The following IRAK1BP1 variants were observed in gnomAD, a reference collection of about 807,000 sequenced individuals.
IRAK1BP1 encodes the protein interleukin-1 receptor-associated kinase 1-binding protein 1.
A neutral mutation model predicts 28.0 loss-of-function variants in IRAK1BP1; 24 were observed. The ratio of observed to expected loss-of-function variants is 0.86; its 90% CI spans 0.62 to 1.20. The LOEUF (loss-of-function observed/expected upper bound fraction) is 1.20, where lower values mean the gene tolerates loss of function less well. IRAK1BP1 is among the 50% of genes most tolerant of loss of function. The pLI is 0.00. For missense variants in IRAK1BP1, 336 were observed against 316.7 expected (o/e 1.06, Z -0.46); for synonymous variants, 131 against 116.3 (o/e 1.13, Z -0.81).
the IRAK1BP1 span, chr6:78,957,101 A>G: frequency 6.6e-6 from 1 of 152,104 alleles, no homozygotes; most frequent in Non-Finnish European, 1.5e-5. Context: ...GAAATATACA[A>G]TACAAATGCT....
chr6:78,918,541 G>T (rs1772625763), intron 4 of IRAK1BP1, among the ~76,000 whole-genome samples: 1 of 97,376 alleles, frequency 1.0e-5, no homozygotes. Context: ...GGTCATGGTT[G>T]TTATATCAGA....
chr6:78,901,337 A>C lies in IRAK1BP1; in HGVS notation c.*3003A>C, dbSNP rs892272619. 4 of 152,096 alleles carry C rather than the reference A, an allele frequency of 2.6e-5. No individual in the cohort carries two copies. Among genetic ancestry groups the C allele is most frequent in the African/African-American group, 9.7e-5 (4 of 41,432 alleles). The allele number at this position is 152,096 out of a possible 1,614,324, so 9.4% of individuals were successfully genotyped here. A position where few individuals can be genotyped will look rare whatever the true frequency, so the allele number is the denominator to read the frequency against. On this transcript the variant is annotated 3_prime_UTR_variant, in exon 4 of 4. Coordinates refer to ENST00000369940, the MANE Select transcript of IRAK1BP1 (RefSeq NM_001010844.4). The stretch of plus-strand genomic sequence containing the variant: ...AAGAAATCATTCAAAGATTGGAAAG[A>C]CTTATGTGTAGTATTCTGTATACTA...
At chr6:78,959,855 C>A in the IRAK1BP1 span, among the ~76,000 whole-genome samples, 1 of 152,068 alleles carries the variant, frequency 6.6e-6, no homozygotes, top group Admixed American at 6.6e-5. Flanking sequence ...ATTCAAAATA[C>A]CATTAAGTCA....
intron 1 of IRAK1BP1, among the ~76,000 whole-genome samples, chr6:78,877,670 C>T (rs771546716): frequency 2.6e-5 from 4 of 152,146 alleles, no homozygotes; most frequent in African/African-American, 4.8e-5. Flanking sequence ...GCCCATGGAG[C>T]GTGAGCCGAA....
intron 1 of IRAK1BP1, among the ~76,000 whole-genome samples, chr6:78,878,535 A>T (rs1014023574): frequency 1.3e-5 from 2 of 152,182 alleles, no homozygotes; most frequent in African/African-American, 4.8e-5. Flanking sequence ...AACCACAAAG[A>T]TGGGGAGAAA....
At chr6:78,961,664 T>C in the IRAK1BP1 span, 4 of 1,605,892 alleles carry the variant, frequency 2.5e-6, no homozygotes, top group East Asian at 2.2e-5. Flanking sequence ...TTTCCTTTGA[T>C]AGTAGCTACA....
In IRAK1BP1 at chr6:78,867,882, G is replaced by A. The variant is rs1438424289; in HGVS notation, c.306G>A (p.Gln102=). 6.3e-7 allele frequency: 1 copy of A among 1,592,276 alleles called. No homozygotes were observed. The highest frequency in any genetic ancestry group is 1.3e-5 in the African/African-American group (1 of 74,358). ...LDYITQSLQQ[Q]GVQAENITVT... is the part of the protein sequence containing the mutation. ...ACATCACGCAGAGCCTCCAGCAGCAGGGCGTGCAGGTGAGATCTCCGCGGG... is the reference window on the plus strand; with the variant it reads ...ACATCACGCAGAGCCTCCAGCAGCAAGGCGTGCAGGTGAGATCTCCGCGGG... Residue 102 remains glutamine, a synonymous_variant, in exon 1 of 4, where the codon CAG becomes CAA. Transcript: ENST00000369940.
the IRAK1BP1 span, chr6:78,969,851 G>A: frequency 6.4e-7 from 1 of 1,567,478 alleles, no homozygotes; most frequent in Non-Finnish European, 8.8e-7. Context: ...TCCATCGCCT[G>A]TATTTTGCAT....
At chr6:78,905,429 T>C (rs1294010412), downstream of IRAK1BP1, among the ~76,000 whole-genome samples, 1 of 152,190 alleles carries the variant, frequency 6.6e-6, no homozygotes, top group Non-Finnish European at 1.5e-5. Context: ...CAAAGAGCCA[T>C]GCAATTACTG....
At chr6:78,961,770 G>C in the IRAK1BP1 span, 1 of 1,611,202 alleles carries the variant, frequency 6.2e-7, no homozygotes, top group Non-Finnish European at 8.5e-7. Context: ...ACATGGGATA[G>C]GCTTGCAGAT....
Position 78,898,411 on chromosome 6 carries a change from AATATATATATATATAT to A in IRAK1BP1, c.*96_*111del, listed in dbSNP as rs58937738. On this transcript the variant is annotated 3_prime_UTR_variant, in exon 4 of 4. Transcript: ENST00000369940. ...TTTTATAATGTTTACGTTTGTCCTGAATATATATATATATATATATATATATATATATATGGTATAG... is the reference window on the plus strand; with the variant it reads ...TTTTATAATGTTTACGTTTGTCCTGAATATATATATATATATATGGTATAG... The A allele has an allele frequency of 6.1e-4, 53 of 86,522 alleles. 3 individuals carry two copies. The highest frequency in any genetic ancestry group is 2.6e-3 in the East Asian group (7 of 2,690). 5.4% of individuals were successfully genotyped at this position (86,522 alleles called of 1,614,324 possible). A position where few individuals can be genotyped will look rare whatever the true frequency, so the allele number is the denominator to read the frequency against.
intron 4 of IRAK1BP1, among the ~76,000 whole-genome samples, chr6:78,934,829 C>T (rs1359233353): frequency 1.3e-5 from 2 of 152,178 alleles, no homozygotes; most frequent in East Asian, 1.9e-4. Context: ...GTCAAATTCC[C>T]ATTTCCCAAC....
chr6:78,942,484 A>AAAAAC (rs1012976452), intron 4 of IRAK1BP1, among the ~76,000 whole-genome samples: 30 of 152,300 alleles, frequency 2.0e-4, no homozygotes, highest in African/African-American at 3.1e-4. Flanking sequence ...ACTCCATCTC[A>AAAAAC]AAAACAAAAC....
intron 1 of IRAK1BP1, among the ~76,000 whole-genome samples, chr6:78,878,336 T>G (rs1459917789): frequency 7.2e-5 from 11 of 152,200 alleles, no homozygotes; most frequent in Non-Finnish European, 1.3e-4. Context: ...TTTGCTGTTC[T>G]GCAGTATTTG....
chr6:78,904,488 TA>T (rs1772209975), downstream of IRAK1BP1, among the ~76,000 whole-genome samples: 1 of 152,206 alleles, frequency 6.6e-6, no homozygotes, highest in South Asian at 2.1e-4. Flanking sequence ...TTACAATTTT[TA>T]GTAAACAGAT....
intron 1 of IRAK1BP1, chr6:78,871,506 C>G: frequency 8.1e-6 from 8 of 985,422 alleles, no homozygotes; most frequent in Non-Finnish European, 9.6e-6. Context: ...GAACAGCAGA[C>G]GAGAACTTAC....
At chr6:78,914,163 T>C (rs1772498081) in intron 4 of IRAK1BP1, among the ~76,000 whole-genome samples, 1 of 152,154 alleles carries the variant, frequency 6.6e-6, no homozygotes, top group Non-Finnish European at 1.5e-5. Flanking sequence ...TAGGTAATCT[T>C]AATAACTTGC....
At chr6:78,887,998 A>C (rs1347302498) in intron 2 of IRAK1BP1, among the ~76,000 whole-genome samples, 2 of 146,060 alleles carry the variant, frequency 1.4e-5, no homozygotes, top group African/African-American at 5.1e-5. Flanking sequence ...TGTGTTATAT[A>C]CATACAATGA....
At chr6:78,942,101 A>T (rs962150285) in intron 4 of IRAK1BP1, among the ~76,000 whole-genome samples, 1 of 152,172 alleles carries the variant, frequency 6.6e-6, no homozygotes, top group East Asian at 1.9e-4. Context: ...TTTTTGAGGA[A>T]ATTCATAGAT....
Sources: allele counts gnomAD v4.1 joint callset (sites outside exome capture counted in the v4.1 genomes callset), GRCh38; gene constraint gnomAD v4.1.1; transcripts MANE v1.5; gene names NCBI Gene and HGNC (gene_info 2026-07-23, HGNC 2026-07-21).